Variants in ANKRD36B observed in about 807,000 individuals in gnomAD.
ANKRD36B encodes the protein ankyrin repeat domain-containing protein 36B.
In ANKRD36B, 37 loss-of-function variants were observed where a neutral mutation model predicts 135.7. The ratio of observed to expected loss-of-function variants is 0.27; its 90% CI spans 0.21 to 0.36. The LOEUF is 0.36. Among genes scored for constraint, ANKRD36B ranks in the 10% least tolerant of loss-of-function variants. The pLI, the probability that ANKRD36B is intolerant of heterozygous loss-of-function variation, is 1.00. For synonymous variants in ANKRD36B, 179 were observed against 348.1 expected, an observed-to-expected ratio of 0.51 and a Z score of 5.41; for missense variants, 549 against 1,037.1, an observed-to-expected ratio of 0.53 and a Z score of 6.46.
At chr2:97,585,715 G>T (rs1481692553) in intron 1 of ANKRD36B, among the ~76,000 whole-genome samples, 1 of 152,186 alleles carries the variant, frequency 6.6e-6, no homozygotes, top group Non-Finnish European at 1.5e-5. Flanking sequence ...CTGCTGTGAT[G>T]CTTACATAAG....
chr2:97,565,841 C>T (rs1198124543), intron 6 of ANKRD36B, among the ~76,000 whole-genome samples: 1 of 150,808 alleles, frequency 6.6e-6, no homozygotes, highest in Non-Finnish European at 1.5e-5. Context: ...AGCCAGTAAT[C>T]TCATTACTGG....
In ANKRD36B at chr2:97,524,852, C is replaced by T. The variant is rs1367170873; in HGVS notation, c.2266-1385G>A. On this transcript the variant is annotated intron_variant, in intron 35 of 43. Coordinates refer to ENST00000359901, the MANE Select transcript of ANKRD36B (RefSeq NM_001393939.1). The stretch of plus-strand genomic sequence containing the variant: ...CTCATACTTTTGTGCACAAGTAAGT[C>T]CTGAATATATAAAGAGGTCCTTTCT... The T allele has an allele frequency of 8.3e-5, 8 of 96,788 alleles. 2 individuals carry two copies. The highest frequency in any genetic ancestry group is 2.5e-4 in the African/African-American group (8 of 32,224). 6.0% of individuals were successfully genotyped at this position (96,788 alleles called of 1,614,324 possible). A position where few individuals can be genotyped will look rare whatever the true frequency, so the allele number is the denominator to read the frequency against.
intron 16 of ANKRD36B, among the ~76,000 whole-genome samples, chr2:97,552,070 G>T (rs1246711332): frequency 1.3e-5 from 2 of 151,924 alleles, no homozygotes; most frequent in Non-Finnish European, 2.9e-5. Context: ...CACCCATGTG[G>T]TGTAATAATT....
At position 97,537,725 on chromosome 2, in the gene ANKRD36B, A is replaced by G. The variant is rs1189783679; in HGVS notation, c.2089+443T>C. On this transcript the variant is annotated intron_variant, in intron 32 of 43. Coordinates refer to ENST00000359901, the MANE Select transcript of ANKRD36B (RefSeq NM_001393939.1). ...CTCTCTTGATGAAAATAATTACTAC[A>G]TCAGTGGTCACCTTGCTCCTCATTC... Among the ~76,000 whole-genome samples the G allele has an allele frequency of 3.1e-5, 3 of 96,044 alleles. 1 individual carries two copies. In the East Asian group the frequency reaches 7.0e-4, roughly 22 times the overall value. 63.0% of individuals were successfully genotyped at this position (96,044 alleles called of 152,430 possible).
intron 12 of ANKRD36B, among the ~76,000 whole-genome samples, chr2:97,556,338 G>A (rs1026945969): frequency 3.3e-5 from 5 of 151,816 alleles, no homozygotes; most frequent in Non-Finnish European, 5.9e-5. Context: ...GGTAGTCATC[G>A]GAGCAGTCAG....
chr2:97,571,777 T>A (rs1262383400), intron 6 of ANKRD36B, among the ~76,000 whole-genome samples: 1 of 152,234 alleles, frequency 6.6e-6, no homozygotes, highest in Admixed American at 6.5e-5. Context: ...TTAATTTGTT[T>A]CTAATCTTTT....
intron 35 of ANKRD36B, among the ~76,000 whole-genome samples, chr2:97,528,976 C>A (rs1384546906): frequency 2.1e-5 from 2 of 96,480 alleles, no homozygotes; most frequent in African/African-American, 6.2e-5. Context: ...ACCAGAGGTA[C>A]AAGGAGGAAC....
intron 6 of ANKRD36B, among the ~76,000 whole-genome samples, chr2:97,573,722 A>T (rs2082043246): frequency 6.6e-6 from 1 of 152,224 alleles, no homozygotes. Context: ...CAGAGCCATC[A>T]GAAATAATGC....
chr2:97,581,851 G>C (rs1296049325), intron 3 of ANKRD36B, among the ~76,000 whole-genome samples: 1 of 152,060 alleles, frequency 6.6e-6, no homozygotes, highest in African/African-American at 2.4e-5. Flanking sequence ...CACCCAGGCT[G>C]GAGTGCAGTG....
At position 97,527,767 on chromosome 2, in the gene ANKRD36B, A is replaced by C. The variant is rs528187369; in HGVS notation, c.2266-4300T>G. Among the ~76,000 whole-genome samples, 2 of 96,368 alleles carry C rather than the reference A, an allele frequency of 2.1e-5. 1 individual carries two copies. Among genetic ancestry groups the C allele is most frequent in the African/African-American group, 6.2e-5 (2 of 32,104 alleles). 63.2% of individuals were successfully genotyped at this position (96,368 alleles called of 152,430 possible). On this transcript the variant is annotated intron_variant, in intron 35 of 43. Coordinates refer to ENST00000359901, the MANE Select transcript of ANKRD36B (RefSeq NM_001393939.1). The stretch of plus-strand genomic sequence containing the variant: ...AGGGGTTGCAATCCTATCTCTGATA[A>C]AACAGACTTTAAACCAACAAAGATC...
At chr2:97,565,151 A>G (rs1054592446) in intron 6 of ANKRD36B, among the ~76,000 whole-genome samples, 1 of 152,136 alleles carries the variant, frequency 6.6e-6, no homozygotes, top group Admixed American at 6.6e-5. Flanking sequence ...GATTTCACTC[A>G]TGATTTAGCA....
In ANKRD36B at chr2:97,526,813, C is replaced by T. The variant is rs550316127; in HGVS notation, c.2266-3346G>A. On this transcript the variant is annotated intron_variant, in intron 35 of 43. Transcript: ENST00000359901. ...GGAAGAAAGGGTATCAGTGATGGAA[C>T]ATGAAATGAATGAAATGAAGCGAGA... is the stretch of plus-strand genomic sequence containing the variant. Among the ~76,000 whole-genome samples, 2 of 95,596 alleles carry T rather than the reference C, an allele frequency of 2.1e-5. 1 individual carries two copies. Among genetic ancestry groups the T allele is most frequent in the African/African-American group, 6.3e-5 (2 of 31,760 alleles). 62.7% of individuals were successfully genotyped at this position (95,596 alleles called of 152,430 possible).
rs1266792030 is a variant in ANKRD36B at position 97,538,823 on chromosome 2, C to T, written c.1988-460G>A. Among the ~76,000 whole-genome samples, 10 of 96,846 alleles carry T rather than the reference C, an allele frequency of 1.0e-4. 4 individuals carry two copies. Among genetic ancestry groups the T allele is most frequent in the African/African-American group, 2.5e-4 (8 of 32,308 alleles). The allele number at this position is 96,846 out of a possible 152,430, so 63.5% of individuals were successfully genotyped here. ...AACTTGCCTGGTAATTGAGCAGGTA[C>T]ACAATGACAATGACACTTTAATAGA... On this transcript the variant is annotated intron_variant, in intron 30 of 43. Coordinates refer to ENST00000359901, the MANE Select transcript of ANKRD36B (RefSeq NM_001393939.1).
chr2:97,572,309 T>C (rs898207041), intron 6 of ANKRD36B, among the ~76,000 whole-genome samples: 8 of 149,244 alleles, frequency 5.4e-5, no homozygotes, highest in African/African-American at 2.0e-4. Flanking sequence ...AAGAAACTTA[T>C]ATATAGATGG....
At chr2:97,551,394 G>A (rs1357197760) in intron 17 of ANKRD36B, 33 bp from the exon 18 acceptor site, 1 of 1,603,906 alleles carries the variant, frequency 6.2e-7, no homozygotes, top group Admixed American at 1.7e-5. Context: ...TAATAAATAA[G>A]GTATGTTTCA....
At chr2:97,549,283 T>C (rs2079802990) in intron 20 of ANKRD36B, 136 bp downstream of exon 20, 1 of 1,178,460 alleles carries the variant, frequency 8.5e-7, no homozygotes, top group African/African-American at 1.4e-5. Context: ...ACTCAAGAAC[T>C]TACTACAAAT....
At chr2:97,521,554 A>C (rs999795057) in intron 36 of ANKRD36B, among the ~76,000 whole-genome samples, 1 of 79,262 alleles carries the variant, frequency 1.3e-5, no homozygotes, top group Non-Finnish European at 3.5e-5. Context: ...TACTTTTAAT[A>C]ATTTGGGGCA....
At position 97,545,753 on chromosome 2, in the gene ANKRD36B, A is replaced by G. The variant is rs1158341627; in HGVS notation, c.1609-15T>C. On this transcript the variant is annotated splice_polypyrimidine_tract_variant and intron_variant, in intron 23 of 43. Coordinates refer to ENST00000359901, the MANE Select transcript of ANKRD36B (RefSeq NM_001393939.1). ...TCACTTGTAGCCTGAATGGAATTTG[A>G]AACAGAACAGTCAATAAATAAAGTA... 7 of 960,690 alleles carry G rather than the reference A, an allele frequency of 7.3e-6. 1 individual carries two copies. In the African/African-American group the frequency reaches 1.0e-4, roughly 14 times the overall value. 59.5% of individuals were successfully genotyped at this position (960,690 alleles called of 1,614,324 possible). A position where few individuals can be genotyped will look rare whatever the true frequency, so the allele number is the denominator to read the frequency against.
At chr2:97,571,826 CTA>C (rs1467555615) in intron 6 of ANKRD36B, among the ~76,000 whole-genome samples, 1 of 152,046 alleles carries the variant, frequency 6.6e-6, no homozygotes, top group East Asian at 1.9e-4. Flanking sequence ...TCTATAAAAA[CTA>C]AAAATCATCT....
Sources: gnomAD v4.1 joint callset for allele counts (sites outside exome capture counted in the v4.1 genomes callset) on GRCh38, gnomAD v4.1.1 for gene constraint, MANE v1.5 for transcripts, NCBI Gene and HGNC (gene_info 2026-07-23, HGNC 2026-07-21) for gene names.